SLC24A2: variants seen among roughly 807,000 people sequenced by gnomAD.
SLC24A2 encodes the protein sodium/potassium/calcium exchanger 2.
Under a neutral mutation model 62.0 loss-of-function variants are expected in SLC24A2, and 36 were observed. The ratio of observed to expected loss-of-function variants is 0.58; its 90% confidence interval spans 0.44 to 0.77. The LOEUF (loss-of-function observed/expected upper bound fraction) is 0.77, where lower values mean the gene tolerates loss of function less well. Among genes scored for constraint, SLC24A2 ranks in the 30% least tolerant of loss-of-function variants. The pLI is 0.00. For synonymous variants in SLC24A2, 358 were observed against 294.0 expected (o/e 1.22, Z -2.23); for missense variants, 846 against 817.9 (o/e 1.03, Z -0.42).
At position 19,515,778 on chromosome 9, in the gene SLC24A2, G is replaced by A. The variant is rs1458274881; in HGVS notation, c.*375C>T. ...GTATGCAAGGAGAGGTATAGTACAG[G>A]AACAGGCAGGATTTGTGTGTTCATG... On this transcript the variant is annotated 3_prime_UTR_variant, in exon 11 of 11. Transcript: ENST00000341998. 3.3e-6 allele frequency: 1 copy of A among 307,154 alleles called. No homozygotes were observed. Among genetic ancestry groups the A allele is most frequent in the Non-Finnish European group, 6.4e-6 (1 of 155,948 alleles). The allele number at this position is 307,154 out of a possible 1,614,324, so 19.0% of individuals were successfully genotyped here.
chr9:19,687,912 G>T (rs1229273990), intron 2 of SLC24A2, among the ~76,000 whole-genome samples: 1 of 152,054 alleles, frequency 6.6e-6, no homozygotes, highest in African/African-American at 2.4e-5. Context: ...GTTCAGTGGG[G>T]AGTCATCCCT....
At chr9:20,248,725 G>A in the SLC24A2 span, among the ~76,000 whole-genome samples, 2 of 152,144 alleles carry the variant, frequency 1.3e-5, no homozygotes, top group African/African-American at 4.8e-5. Context: ...CTCACAAATA[G>A]AATTCTAAGG....
the SLC24A2 span, among the ~76,000 whole-genome samples, chr9:20,287,512 G>C: frequency 2.0e-5 from 3 of 152,206 alleles, no homozygotes; most frequent in African/African-American, 7.2e-5. Context: ...AGGGTTGGTA[G>C]CCTCTAGAAA....
chr9:20,111,453 A>G, the SLC24A2 span, among the ~76,000 whole-genome samples: 3 of 152,156 alleles, frequency 2.0e-5, no homozygotes, highest in East Asian at 5.8e-4. Flanking sequence ...TTTCTAAACA[A>G]TGTCTGCATA....
intron 7 of SLC24A2, among the ~76,000 whole-genome samples, chr9:19,563,381 C>T (rs1586966729): frequency 6.7e-6 from 1 of 148,938 alleles, no homozygotes; most frequent in Non-Finnish European, 1.5e-5. Flanking sequence ...TGACTGTTAC[C>T]CCTTAATTAA....
chr9:20,141,834 A>G, the SLC24A2 span, among the ~76,000 whole-genome samples: 3 of 152,218 alleles, frequency 2.0e-5, no homozygotes, highest in Non-Finnish European at 4.4e-5. Context: ...CTGTAATCCC[A>G]GCATTTGAGA....
At chr9:19,661,017 G>C (rs553659983) in intron 2 of SLC24A2, among the ~76,000 whole-genome samples, 231 of 152,244 alleles carry the variant, frequency 1.5e-3, no homozygotes, top group African/African-American at 5.1e-3. Context: ...GTACACCAGA[G>C]CCTGCCAGCT....
chr9:19,516,793 G>A (rs1242828065), intron 10 of SLC24A2, among the ~76,000 whole-genome samples: 1 of 151,958 alleles, frequency 6.6e-6, no homozygotes, highest in Non-Finnish European at 1.5e-5. Context: ...GCAGGCAGGT[G>A]CAAAAAAGGC....
At chr9:19,807,421 A>C in the SLC24A2 span, among the ~76,000 whole-genome samples, 1 of 152,206 alleles carries the variant, frequency 6.6e-6, no homozygotes, top group Non-Finnish European at 1.5e-5. Context: ...CACATCCTTT[A>C]GGGAGAACTG....
chr9:19,718,620 C>G (rs1331015107), intron 2 of SLC24A2, among the ~76,000 whole-genome samples: 1 of 152,048 alleles, frequency 6.6e-6, no homozygotes, highest in Non-Finnish European at 1.5e-5. Context: ...CAATTTAACA[C>G]TCTTATAGCA....
chr9:19,906,859 A>G, the SLC24A2 span, among the ~76,000 whole-genome samples: 37 of 152,338 alleles, frequency 2.4e-4, no homozygotes, highest in African/African-American at 6.7e-4. Context: ...AAAAAAGTCC[A>G]GGACCAGATG....
At chr9:19,590,809 T>C (rs1211704417) in intron 5 of SLC24A2, among the ~76,000 whole-genome samples, 9 of 152,182 alleles carry the variant, frequency 5.9e-5, no homozygotes, top group Admixed American at 3.9e-4. Context: ...CAATTTGATA[T>C]TAAGTTTTTG....
chr9:19,638,567 A>C (rs1037944108), intron 2 of SLC24A2, among the ~76,000 whole-genome samples: 4 of 152,118 alleles, frequency 2.6e-5, no homozygotes, highest in African/African-American at 9.7e-5. Flanking sequence ...TTTATTTCTA[A>C]TATTAAATAT....
At chr9:19,855,063 T>A in the SLC24A2 span, among the ~76,000 whole-genome samples, 25 of 152,228 alleles carry the variant, frequency 1.6e-4, no homozygotes, top group South Asian at 4.1e-4. Context: ...TTGTCTTTTT[T>A]AATCTTTGTT....
At chr9:19,656,195 A>G in intron 2 of SLC24A2, among the ~76,000 whole-genome samples, 1 of 152,220 alleles carries the variant, frequency 6.6e-6, no homozygotes, top group Non-Finnish European at 1.5e-5. Flanking sequence ...ATTGCTATGT[A>G]AGACACTGCA....
At chr9:19,820,020 TATATACAC>T in the SLC24A2 span, among the ~76,000 whole-genome samples, 15 of 65,928 alleles carry the variant, frequency 2.3e-4, no homozygotes, top group East Asian at 2.0e-3. Flanking sequence ...TATATATATA[TATATACAC>T]ATATATATAT....
chr9:19,951,793 A>T, the SLC24A2 span, among the ~76,000 whole-genome samples: 1 of 152,140 alleles, frequency 6.6e-6, no homozygotes, highest in African/African-American at 2.4e-5. Context: ...AGTCTTTCAC[A>T]AAATTGTCAT....
At chr9:20,217,868 C>T in the SLC24A2 span, among the ~76,000 whole-genome samples, 1 of 152,304 alleles carries the variant, frequency 6.6e-6, no homozygotes, top group South Asian at 2.1e-4. Flanking sequence ...GCTTTTCTAT[C>T]TTCACTGGAG....
the SLC24A2 span, among the ~76,000 whole-genome samples, chr9:20,051,198 A>C: frequency 6.6e-6 from 1 of 152,218 alleles, no homozygotes; most frequent in African/African-American, 2.4e-5. Flanking sequence ...ATACCATGCT[A>C]ACGCTAATCA....
Sources: allele counts gnomAD v4.1 joint callset (sites outside exome capture counted in the v4.1 genomes callset), GRCh38; gene constraint gnomAD v4.1.1; transcripts MANE v1.5; gene names NCBI Gene and HGNC (gene_info 2026-07-23, HGNC 2026-07-21).